C5orf34: variants seen among roughly 807,000 people sequenced by gnomAD.
The protein encoded by C5orf34 is uncharacterized protein C5orf34.
Under a neutral mutation model 78.4 loss-of-function variants are expected in C5orf34, and 73 were observed. That is an observed-to-expected ratio of 0.93 (90% CI 0.77 to 1.13). The LOEUF (loss-of-function observed/expected upper bound fraction) is 1.13. Among genes scored for constraint, C5orf34 ranks in the 50% most tolerant of loss-of-function variants. The pLI is 0.00. For missense variants in C5orf34, 730 were observed against 732.7 expected (o/e 1.00, Z 0.04); for synonymous variants, 251 against 246.6 (o/e 1.02, Z -0.17).
At chr5:43,492,589 A>G (rs1745327317) in intron 9 of C5orf34, 131 bp downstream of exon 9, 4 of 772,926 alleles carry the variant, frequency 5.2e-6, no homozygotes, top group Non-Finnish European at 8.4e-6. Context: ...AAATCCAAAG[A>G]GATCAGTAAA....
In C5orf34 at chr5:43,515,099, G is replaced by A. The variant is rs529654733; in HGVS notation, c.-330C>T. The A allele has an allele frequency of 6.6e-6, 1 of 152,208 alleles. No homozygotes were observed. Among genetic ancestry groups the A allele is most frequent in the Non-Finnish European group, 1.5e-5 (1 of 68,052 alleles). 9.4% of individuals were successfully genotyped at this position (152,208 alleles called of 1,614,324 possible). A position where few individuals can be genotyped will look rare whatever the true frequency, so the allele number is the denominator to read the frequency against. On this transcript the variant is annotated 5_prime_UTR_variant, in exon 1 of 13. Coordinates refer to ENST00000306862, the MANE Select transcript of C5orf34 (RefSeq NM_198566.4). ...CTAAGAGAAAGCGCAAACCGCACAAGACCAGTTCAAAACCAGCGCCCTCAG... is the reference window on the plus strand; with the variant it reads ...CTAAGAGAAAGCGCAAACCGCACAAAACCAGTTCAAAACCAGCGCCCTCAG...
intron 6 of C5orf34, among the ~76,000 whole-genome samples, chr5:43,498,464 T>C (rs954074804): frequency 2.6e-5 from 4 of 152,132 alleles, no homozygotes; most frequent in African/African-American, 9.7e-5. Context: ...TGACATCTCA[T>C]GGTAGGCGCA....
At chr5:43,499,744 T>C (rs193183604) in intron 6 of C5orf34, among the ~76,000 whole-genome samples, 1 of 152,324 alleles carries the variant, frequency 6.6e-6, no homozygotes, top group African/African-American at 2.4e-5. Flanking sequence ...CTTTATTCGC[T>C]CAACAACCCG....
intron 2 of C5orf34, 66 bp downstream of exon 2, chr5:43,509,079 T>A: frequency 2.3e-6 from 3 of 1,311,122 alleles, no homozygotes; most frequent in Middle Eastern, 2.6e-4. Context: ...TACTCCAGCC[T>A]GGGTGACAGA....
Position 43,505,884 on chromosome 5 carries a change from T to G in C5orf34, c.796A>C (p.Ser266Arg). 1 of 1,613,986 alleles carries G rather than the reference T, an allele frequency of 6.2e-7. No homozygotes were observed. The highest frequency in any genetic ancestry group is 2.2e-5 in the East Asian group (1 of 44,880). The part of the protein sequence containing the change: ...SLALHFHNKI[S>R]NMSKIDAHIT... ...TGTGCATCAATTTTAGACATATTGC[T>G]GATTTTATTATGAAAATGAAGTGCT... Residue 266 changes from serine (S) to arginine (R), a missense_variant, in exon 4 of 13, where the codon AGC becomes CGC. Transcript: ENST00000306862.
Position 43,515,114 on chromosome 5 carries a change from A to G in C5orf34, c.-345T>C, listed in dbSNP as rs546528885. The G allele has an allele frequency of 6.6e-6, 1 of 152,350 alleles. No individual in the cohort carries two copies. The highest frequency in any genetic ancestry group is 2.1e-4 in the South Asian group (1 of 4,822). The allele number at this position is 152,350 out of a possible 1,614,324, so 9.4% of individuals were successfully genotyped here. On this transcript the variant is annotated 5_prime_UTR_variant, in exon 1 of 13. Coordinates refer to ENST00000306862, the MANE Select transcript of C5orf34 (RefSeq NM_198566.4). ...AACCGCACAAGACCAGTTCAAAACC[A>G]GCGCCCTCAGGGAGCCGCTTCAGAG...
chr5:43,500,486 C>T (rs926063448), intron 6 of C5orf34, among the ~76,000 whole-genome samples: 1 of 152,154 alleles, frequency 6.6e-6, no homozygotes, highest in Admixed American at 6.5e-5. Flanking sequence ...ACCTCCACCT[C>T]CCAGGTTCAA....
At chr5:43,489,085 A>ATTATTGCAAAATATCTTT (rs1745170193) in intron 11 of C5orf34, among the ~76,000 whole-genome samples, 1 of 151,998 alleles carries the variant, frequency 6.6e-6, no homozygotes, top group East Asian at 1.9e-4. Flanking sequence ...CTGATTGTTC[A>ATTATTGCAAAATATCTTT]TTATTGCAAA....
Position 43,503,685 on chromosome 5 carries a change from C to T in C5orf34, c.1008G>A (p.Trp336Ter). 1.2e-6 allele frequency: 2 copies of T among 1,612,734 alleles called. No individual in the cohort carries two copies. The highest frequency in any genetic ancestry group is 1.1e-5 in the South Asian group (1 of 91,060). ...CTTACCTATATGTAACACCTTTGTA[C>T]CAAACCATTTTCACTAGTTCAGGAT... ...YSYPELVKMV[W>*]YKGVTYRLTH... Residue 336 changes from tryptophan to a stop codon, truncating the protein, a stop_gained, in exon 5 of 13, where the codon TGG becomes TGA. Coordinates refer to ENST00000306862, the MANE Select transcript of C5orf34 (RefSeq NM_198566.4). LOFTEE classifies it high-confidence loss of function.
At position 43,505,984 on chromosome 5, in the gene C5orf34, T is replaced by G. The variant is rs1270588946; in HGVS notation, c.696A>C (p.Thr232=). The part of the protein sequence containing the change: ...EELPSPGTKH[T]CVYTWVKQCW... ...ACTGCTTGACCCATGTGTATACACA[T>G]GTGTGCTTTGTACCAGGCGAAGGCA... Residue 232 remains threonine, a synonymous_variant, in exon 4 of 13, where the codon ACA becomes ACC. Coordinates refer to ENST00000306862, the MANE Select transcript of C5orf34 (RefSeq NM_198566.4). 6.2e-7 allele frequency: 1 copy of G among 1,614,152 alleles called. No homozygotes were observed. Among genetic ancestry groups the G allele is most frequent in the South Asian group, 1.1e-5 (1 of 91,086 alleles).
chr5:43,495,338 T>A, intron 6 of C5orf34: 1 of 1,611,818 alleles, frequency 6.2e-7, no homozygotes, highest in South Asian at 1.1e-5. Flanking sequence ...TTCCTTCAGC[T>A]CAGCAAACTT....
chr5:43,507,747 T>C (rs567669709), intron 3 of C5orf34, among the ~76,000 whole-genome samples: 1 of 152,218 alleles, frequency 6.6e-6, no homozygotes, highest in South Asian at 2.1e-4. Flanking sequence ...ATAGACAAAT[T>C]AGGTAAACTC....
chr5:43,512,626 A>C (rs537358010), intron 1 of C5orf34, among the ~76,000 whole-genome samples: 17 of 151,932 alleles, frequency 1.1e-4, no homozygotes, highest in Non-Finnish European at 2.2e-4. Context: ...TTTCTTCTTC[A>C]CTTCTACCTG....
chr5:43,502,343 T>C (rs1214893448), intron 6 of C5orf34, 29 bp downstream of exon 6: 1 of 1,608,670 alleles, frequency 6.2e-7, no homozygotes. Context: ...AGCAAAACTC[T>C]TCTTGAGTTG....
intron 3 of C5orf34, among the ~76,000 whole-genome samples, chr5:43,507,674 A>T (rs1287022174): frequency 6.6e-6 from 1 of 152,248 alleles, no homozygotes; most frequent in Non-Finnish European, 1.5e-5. Context: ...TAGTTGAGAA[A>T]CAGAGTTTAC....
intron 1 of C5orf34, among the ~76,000 whole-genome samples, chr5:43,514,024 T>C (rs970360173): frequency 1.3e-5 from 2 of 152,260 alleles, no homozygotes; most frequent in African/African-American, 4.8e-5. Context: ...ATTTGAATGA[T>C]GAAAAATAAG....
chr5:43,498,757 T>C (rs1443043085), intron 6 of C5orf34, among the ~76,000 whole-genome samples: 1 of 152,196 alleles, frequency 6.6e-6, no homozygotes, highest in East Asian at 1.9e-4. Context: ...TCTGAAATAA[T>C]CTAACAAAAA....
Position 43,505,606 on chromosome 5 carries a change from GA to G in C5orf34, c.932+141del, listed in dbSNP as rs977793050. The G allele has an allele frequency of 4.5e-5, 33 of 726,402 alleles. No individual in the cohort carries two copies. In the Admixed American group the frequency reaches 6.8e-4, roughly 15 times the overall value. 45.0% of individuals were successfully genotyped at this position (726,402 alleles called of 1,614,324 possible). Reference sequence around the variant, plus strand: ...AAACATAAGCAACACATTTGCTAGGGAAATTATTTACTATCAGTTAAAAGCA... The same window carrying G: ...AAACATAAGCAACACATTTGCTAGGGAATTATTTACTATCAGTTAAAAGCA... On this transcript the variant is annotated intron_variant, in intron 4 of 12. Coordinates refer to ENST00000306862, the MANE Select transcript of C5orf34 (RefSeq NM_198566.4).
chr5:43,496,638 G>C (rs1745543447), intron 6 of C5orf34, among the ~76,000 whole-genome samples: 1 of 142,360 alleles, frequency 7.0e-6, no homozygotes, highest in Admixed American at 7.1e-5. Context: ...GCCCAGGGCT[G>C]GAGTACAGTG....
Sources: gnomAD v4.1 joint callset for allele counts (sites outside exome capture counted in the v4.1 genomes callset) on GRCh38, gnomAD v4.1.1 for gene constraint, MANE v1.5 for transcripts, NCBI Gene and HGNC (gene_info 2026-07-23, HGNC 2026-07-21) for gene names.